The following PLXNA2 variants were observed in gnomAD, a reference collection of about 807,000 sequenced individuals.
PLXNA2 encodes plexin A2.
PLXNA2 carries 91 observed loss-of-function variants against 193.5 expected under a neutral mutation model. That is an observed-to-expected ratio of 0.47 (90% CI 0.40 to 0.56). The LOEUF is 0.56. Ranked by LOEUF, PLXNA2 falls within the 20% of genes least tolerant of loss-of-function variation. The pLI, the probability that PLXNA2 is intolerant of heterozygous loss-of-function variation, is 0.00. For missense variants in PLXNA2, 1,995 were observed against 2,503.2 expected (o/e 0.80, Z 4.33); for synonymous variants, 997 against 1,027.3 (o/e 0.97, Z 0.56).
At chr1:208,064,030 C>T (rs1665702887) in intron 12 of PLXNA2, among the ~76,000 whole-genome samples, 1 of 152,118 alleles carries the variant, frequency 6.6e-6, no homozygotes, top group Non-Finnish European at 1.5e-5. Flanking sequence ...AAGCCAATTA[C>T]CCTCCCAGAT....
intron 3 of PLXNA2, among the ~76,000 whole-genome samples, chr1:208,195,525 C>A (rs1014336689): frequency 6.6e-6 from 1 of 152,162 alleles, no homozygotes; most frequent in Non-Finnish European, 1.5e-5. Flanking sequence ...TGTGGTTTAT[C>A]TCCCATTGTT....
rs534751295 is a variant in PLXNA2, at chr1:208,121,923, G to A, written c.1507-18676C>T. 1.1e-4 allele frequency among the ~76,000 whole-genome samples: 17 copies of A among 152,046 alleles called. 1 individual carries two copies. The highest frequency in any genetic ancestry group is 6.8e-3 in the Middle Eastern group (2 of 294). ...CACATGCTCACATCACAGCTCACAC[G>A]GATACTCCATACACACATTCATGTC... On this transcript the variant is annotated intron_variant, in intron 4 of 31. Coordinates refer to ENST00000367033, the MANE Select transcript of PLXNA2 (RefSeq NM_025179.4).
rs1388987454 is a variant in PLXNA2 at position 208,028,906 on chromosome 1, G to A, written c.5362C>T (p.Arg1788Trp). Residue 1788 changes from arginine to tryptophan, a missense_variant, in exon 30 of 32, where the codon CGG becomes TGG. Physicochemically the swap from Arg to Trp is moderately radical, Grantham distance 101 (BLOSUM62 -3). This residue lies in a region of PLXNA2 where 1,291 missense variants were observed against 1,673.6 expected (regional missense o/e 0.77). Coordinates refer to ENST00000367033, the MANE Select transcript of PLXNA2 (RefSeq NM_025179.4). This position sits in a 1 kb window ranked among gnomAD's most constrained non-coding sequence, Gnocchi z 4.2. The part of the protein sequence containing the change: ...FMDSCSTSEH[R>W]LGKDSPSNKL... Reference sequence around the variant, plus strand: ...TTGGAGGGGGAGTCCTTGCCCAGCCGGTGCTCTGACGTTGAACAAGAGTCC... The same window carrying A: ...TTGGAGGGGGAGTCCTTGCCCAGCCAGTGCTCTGACGTTGAACAAGAGTCC... The A allele has an allele frequency of 5.0e-6, 8 of 1,614,030 alleles. No homozygotes were observed. The highest frequency in any genetic ancestry group is 1.7e-5 in the Admixed American group (1 of 60,004).
In PLXNA2 at chr1:208,060,630, C is replaced by G. The variant is rs540318066; in HGVS notation, c.2738+56G>C. 22 of 1,508,668 alleles carry G rather than the reference C, an allele frequency of 1.5e-5. No homozygotes were observed. The African/African-American group carries it at 2.8e-4, about 19-fold the overall frequency. The allele number at this position is 1,508,668 out of a possible 1,614,324, so 93.5% of individuals were successfully genotyped here. On this transcript the variant is annotated intron_variant, in intron 13 of 31. Coordinates refer to ENST00000367033, the MANE Select transcript of PLXNA2 (RefSeq NM_025179.4). ...GGCCCAGGAAGGGAGAGGGGAGAGT[C>G]TCCAGTCTCCACTCTGAAGCTCCCA...
intron 3 of PLXNA2, among the ~76,000 whole-genome samples, chr1:208,169,347 G>C (rs189063152): frequency 7.4e-4 from 112 of 152,318 alleles, no homozygotes; most frequent in African/African-American, 2.6e-3. Flanking sequence ...AGTTCGGACG[G>C]GTCACACATG....
chr1:208,154,125 C>T (rs1668860373), intron 3 of PLXNA2, among the ~76,000 whole-genome samples: 2 of 152,192 alleles, frequency 1.3e-5, no homozygotes, highest in Non-Finnish European at 2.9e-5. Flanking sequence ...CCTCCCCGGT[C>T]ACCTTGTTCT....
At position 208,031,755 on chromosome 1, in the gene PLXNA2, G is replaced by A. The variant is rs1664510679; in HGVS notation, c.5060C>T (p.Thr1687Ile). Residue 1687 changes from threonine to isoleucine, a missense_variant, in exon 29 of 32, where the codon ACC becomes ATC. This residue lies in a region of PLXNA2 where 1,291 missense variants were observed against 1,673.6 expected (regional missense o/e 0.77). Coordinates refer to ENST00000367033, the MANE Select transcript of PLXNA2 (RefSeq NM_025179.4). The stretch of plus-strand genomic sequence containing the variant: ...CAAGTCGTCCACAAACTTCTGCAGG[G>A]TGCCCTGGAGGAGGGGTGGGGGAGA... ...YLTRLLATKG[T>I]LQKFVDDLFE... is the part of the protein sequence containing the mutation. 1 of 1,600,758 alleles carries A rather than the reference G, an allele frequency of 6.2e-7. No individual in the cohort carries two copies. The highest frequency in any genetic ancestry group is 1.3e-5 in the African/African-American group (1 of 74,202).
At chr1:208,120,849 T>G (rs1223773448) in intron 4 of PLXNA2, among the ~76,000 whole-genome samples, 1 of 152,084 alleles carries the variant, frequency 6.6e-6, no homozygotes, top group African/African-American at 2.4e-5. Flanking sequence ...GAGATGGGAA[T>G]CACCTTTGGG....
chr1:208,043,072 G>T lies in PLXNA2; in HGVS notation c.4006C>A (p.Arg1336=). ...FPGIEDHPVL[R]ELEVQGNGQQ... ...GAGGCAGGCATTACCTCCAGCTCCCGCAGGACGGGGTGGTCCTCGATGCCC... is the reference window on the plus strand; with the variant it reads ...GAGGCAGGCATTACCTCCAGCTCCCTCAGGACGGGGTGGTCCTCGATGCCC... Residue 1336 remains arginine (R), a synonymous_variant, in exon 21 of 32, where the codon CGG becomes AGG. Coordinates refer to ENST00000367033, the MANE Select transcript of PLXNA2 (RefSeq NM_025179.4). 6.2e-7 allele frequency: 1 copy of T among 1,613,574 alleles called. No individual in the cohort carries two copies. Among genetic ancestry groups the T allele is most frequent in the South Asian group, 1.1e-5 (1 of 91,058 alleles).
chr1:208,132,956 G>A (rs1668202614), intron 4 of PLXNA2, among the ~76,000 whole-genome samples: 1 of 152,200 alleles, frequency 6.6e-6, no homozygotes, highest in African/African-American at 2.4e-5. Flanking sequence ...ACCCAGGCTG[G>A]CTGCTCCCCA....
intron 9 of PLXNA2, among the ~76,000 whole-genome samples, chr1:208,085,061 G>T (rs949716941): frequency 6.7e-6 from 1 of 148,948 alleles, no homozygotes; most frequent in Non-Finnish European, 1.5e-5. Context: ...AGCCCTCCCA[G>T]CAATACTCTA....
At chr1:208,112,482 C>T (rs900552770) in intron 4 of PLXNA2, among the ~76,000 whole-genome samples, 2 of 152,306 alleles carry the variant, frequency 1.3e-5, no homozygotes, top group East Asian at 1.9e-4. Context: ...CTGAGGCTTA[C>T]GTGATGTCTG....
Position 208,194,362 on chromosome 1 carries a change from G to A in PLXNA2, c.1371+15918C>T, listed in dbSNP as rs796358067. 9.4e-5 allele frequency among the ~76,000 whole-genome samples: 14 copies of A among 149,424 alleles called. 1 individual carries two copies. Among genetic ancestry groups the A allele is most frequent in the African/African-American group, 3.4e-4 (14 of 40,696 alleles). Reference sequence around the variant, plus strand: ...GCTCCATGCAGCCCACCCGATGTATGTGTTTTATGCAGTGCTTAGGCTGCT... The same window carrying A: ...GCTCCATGCAGCCCACCCGATGTATATGTTTTATGCAGTGCTTAGGCTGCT... On this transcript the variant is annotated intron_variant, in intron 3 of 31. Coordinates refer to ENST00000367033, the MANE Select transcript of PLXNA2 (RefSeq NM_025179.4).
chr1:208,210,279 C>A lies in PLXNA2; in HGVS notation c.1371+1G>T, dbSNP rs1240100114. 6.2e-7 allele frequency: 1 copy of A among 1,613,794 alleles called. No individual in the cohort carries two copies. The highest frequency in any genetic ancestry group is 8.5e-7 in the Non-Finnish European group (1 of 1,179,964). ...GAGCATCTGAACTCATAGACTCTTA[C>A]CTTTTTCAGCTTGCCACTCTTAGTC... On this transcript the variant is annotated splice_donor_variant, in intron 3 of 31. Coordinates refer to ENST00000367033, the MANE Select transcript of PLXNA2 (RefSeq NM_025179.4). LOFTEE classifies it high-confidence loss of function.
At chr1:208,223,908 G>A (rs767225717) in intron 1 of PLXNA2, among the ~76,000 whole-genome samples, 10 of 152,194 alleles carry the variant, frequency 6.6e-5, no homozygotes, top group Non-Finnish European at 1.5e-4. Context: ...CTAGAGGCAG[G>A]GGATTGGTCC....
intron 12 of PLXNA2, among the ~76,000 whole-genome samples, chr1:208,067,353 A>C (rs1054441283): frequency 2.0e-5 from 3 of 152,122 alleles, no homozygotes; most frequent in Non-Finnish European, 4.4e-5. Context: ...TCAAAAAAAA[A>C]AAAAAAAGTT....
chr1:208,161,544 A>G (rs972435607), intron 3 of PLXNA2, among the ~76,000 whole-genome samples: 2 of 152,196 alleles, frequency 1.3e-5, no homozygotes, highest in African/African-American at 4.8e-5. Flanking sequence ...ACTAATACGC[A>G]AATGGTGGAC....
chr1:208,092,999 G>T, intron 8 of PLXNA2, 99 bp from the exon 9 acceptor site: 1 of 758,730 alleles, frequency 1.3e-6, no homozygotes. Flanking sequence ...TTAAATCCTA[G>T]TCTCATTCTC....
chr1:208,177,094 T>A (rs1400596423), intron 3 of PLXNA2, among the ~76,000 whole-genome samples: 1 of 152,210 alleles, frequency 6.6e-6, no homozygotes, highest in African/African-American at 2.4e-5. Flanking sequence ...TCATTCTGCC[T>A]GCTTTAGGGC....
Sources: allele counts gnomAD v4.1 joint callset (sites outside exome capture counted in the v4.1 genomes callset), GRCh38; gene constraint gnomAD v4.1.1; regional missense constraint gnomAD v4.1.1; non-coding constraint Gnocchi (gnomAD v3.1); transcripts MANE v1.5; gene names NCBI Gene and HGNC (gene_info 2026-07-23, HGNC 2026-07-21).